Variants in COMMD10 observed in about 807,000 individuals in gnomAD.
The protein encoded by COMMD10 is COMM domain containing 10.
In COMMD10, 33 loss-of-function variants were observed where a neutral mutation model predicts 28.9. That is an observed-to-expected ratio of 1.14 (90% CI 0.87 to 1.53). The LOEUF (loss-of-function observed/expected upper bound fraction) is 1.53. Ranked by LOEUF, COMMD10 falls within the 40% of genes most tolerant of loss-of-function variation. The probability of loss-of-function intolerance (pLI) is 0.00; values close to 1 mark genes in which losing one functional copy is unlikely to be tolerated. For synonymous variants in COMMD10, 110 were observed against 81.7 expected, an observed-to-expected ratio of 1.35 and a Z score of -1.87; for missense variants, 310 against 233.4, an observed-to-expected ratio of 1.33 and a Z score of -2.14.
At chr5:116,177,401 C>T (rs1182903415) in intron 5 of COMMD10, among the ~76,000 whole-genome samples, 1 of 152,030 alleles carries the variant, frequency 6.6e-6, no homozygotes, top group Non-Finnish European at 1.5e-5. Context: ...TATCTCCATC[C>T]TAAGGGACTG....
chr5:116,262,522 G>T (rs1487189911), intron 5 of COMMD10, among the ~76,000 whole-genome samples: 1 of 151,580 alleles, frequency 6.6e-6, no homozygotes, highest in Non-Finnish European at 1.5e-5. Flanking sequence ...ATTAAAATAT[G>T]ATTTTCTTAG....
chr5:116,152,370 C>G (rs1342612359), intron 5 of COMMD10, among the ~76,000 whole-genome samples: 1 of 151,988 alleles, frequency 6.6e-6, no homozygotes, highest in Non-Finnish European at 1.5e-5. Flanking sequence ...TCACAGTGAC[C>G]TTTCAGAGAG....
At chr5:116,246,875 TGG>T (rs1749965062) in intron 5 of COMMD10, among the ~76,000 whole-genome samples, 1 of 152,068 alleles carries the variant, frequency 6.6e-6, no homozygotes, top group Admixed American at 6.6e-5. Context: ...ATAAAACCCC[TGG>T]AAGACAACCT....
intron 5 of COMMD10, among the ~76,000 whole-genome samples, chr5:116,267,096 G>A (rs1179076899): frequency 6.6e-6 from 1 of 151,844 alleles, no homozygotes; most frequent in Non-Finnish European, 1.5e-5. Context: ...ATTCTGGCCA[G>A]GGCAATCAGA....
chr5:116,215,885 A>C (rs1749088926), intron 5 of COMMD10, among the ~76,000 whole-genome samples: 1 of 151,602 alleles, frequency 6.6e-6, no homozygotes, highest in African/African-American at 2.4e-5. Flanking sequence ...TTGTGAAGAA[A>C]ATTTGCAGAT....
intron 4 of COMMD10, among the ~76,000 whole-genome samples, chr5:116,124,898 T>C (rs1398958225): frequency 1.3e-5 from 2 of 152,154 alleles, no homozygotes; most frequent in Non-Finnish European, 2.9e-5. Flanking sequence ...CCCTCCTTTA[T>C]TTTTGCTTTC....
At chr5:116,117,823 G>A (rs1751290782) in intron 4 of COMMD10, among the ~76,000 whole-genome samples, 1 of 152,108 alleles carries the variant, frequency 6.6e-6, no homozygotes, top group Admixed American at 6.5e-5. Context: ...GTTTTGTATA[G>A]AGATTATATA....
intron 4 of COMMD10, among the ~76,000 whole-genome samples, chr5:116,105,522 T>C (rs1750808182): frequency 6.6e-6 from 1 of 152,174 alleles, no homozygotes; most frequent in Non-Finnish European, 1.5e-5. Flanking sequence ...GGAATAGTTT[T>C]AGAAGGAATG....
At chr5:116,243,135 C>A (rs6884520) in intron 5 of COMMD10, among the ~76,000 whole-genome samples, 4 of 152,064 alleles carry the variant, frequency 2.6e-5, no homozygotes, top group African/African-American at 9.7e-5. Context: ...TGTCATATTT[C>A]AAAATTAAAT....
chr5:116,290,303 C>G (rs1220183602), intron 5 of COMMD10, among the ~76,000 whole-genome samples: 1 of 151,882 alleles, frequency 6.6e-6, no homozygotes, highest in African/African-American at 2.4e-5. Context: ...ATAAAAACTT[C>G]ATGATTTTAT....
intron 5 of COMMD10, among the ~76,000 whole-genome samples, chr5:116,184,049 A>C (rs933108601): frequency 6.6e-5 from 10 of 152,144 alleles, no homozygotes; most frequent in Non-Finnish European, 1.0e-4. Flanking sequence ...CAAATTCCAA[A>C]TACTAAATTA....
chr5:116,166,116 T>C lies in COMMD10; in HGVS notation c.510+31938T>C, dbSNP rs139351843. On this transcript the variant is annotated intron_variant, in intron 5 of 6. Coordinates refer to ENST00000274458, the MANE Select transcript of COMMD10 (RefSeq NM_016144.4). ...TGCATGTTTAAATATTTCTATAGTT[T>C]TAGTCCTTGGCACATGGACTTGAGT... is the stretch of plus-strand genomic sequence containing the variant. 1.5e-3 allele frequency among the ~76,000 whole-genome samples: 232 copies of C among 151,014 alleles called. 2 individuals are homozygous for C. Among genetic ancestry groups the C allele is most frequent in the African/African-American group, 5.6e-3 (229 of 40,946 alleles).
intron 5 of COMMD10, among the ~76,000 whole-genome samples, chr5:116,269,137 A>G (rs1750686966): frequency 6.6e-6 from 1 of 151,862 alleles, no homozygotes; most frequent in Non-Finnish European, 1.5e-5. Flanking sequence ...AACAGAAAAA[A>G]AATTGGTTTT....
chr5:116,214,767 T>C (rs943309101), intron 5 of COMMD10, among the ~76,000 whole-genome samples: 1 of 152,140 alleles, frequency 6.6e-6, no homozygotes, highest in African/African-American at 2.4e-5. Flanking sequence ...ATAGGAAATA[T>C]ACCCATTTAA....
intron 5 of COMMD10, among the ~76,000 whole-genome samples, chr5:116,165,095 T>C (rs1753046516): frequency 6.6e-6 from 1 of 152,218 alleles, no homozygotes; most frequent in South Asian, 2.1e-4. Context: ...GACATATCCT[T>C]ATGCTGTTGA....
chr5:116,232,785 T>G lies in COMMD10; in HGVS notation c.511-58732T>G, dbSNP rs141363726. On this transcript the variant is annotated intron_variant, in intron 5 of 6. Transcript: ENST00000274458. ...GTTGAATAATTCATTAGACATGAAA[T>G]TACAGAGTGCTTACATTTGTTGGGT... Among the ~76,000 whole-genome samples the G allele has an allele frequency of 5.5e-4, 83 of 152,278 alleles. No homozygotes were observed. The East Asian group carries it at 7.1e-3, about 13-fold the overall frequency.
rs182180095 is a variant in COMMD10, at chr5:116,256,666, G to A, written c.511-34851G>A. 6.6e-5 allele frequency among the ~76,000 whole-genome samples: 10 copies of A among 151,870 alleles called. 1 individual carries two copies. The highest frequency in any genetic ancestry group is 3.3e-4 in the Admixed American group (5 of 15,234). ...CATATTTTGTAATGTTTTCATACAC[G>A]TAATGAGATATGTTGGGATGGGACC... On this transcript the variant is annotated intron_variant, in intron 5 of 6. Transcript: ENST00000274458.
At chr5:116,114,055 T>C (rs1355046025) in intron 4 of COMMD10, among the ~76,000 whole-genome samples, 1 of 152,240 alleles carries the variant, frequency 6.6e-6, no homozygotes, top group African/African-American at 2.4e-5. Context: ...AATATTGTTA[T>C]TGGTATCTGT....
intron 5 of COMMD10, among the ~76,000 whole-genome samples, chr5:116,181,115 G>C (rs1393480746): frequency 2.6e-5 from 4 of 152,074 alleles, no homozygotes; most frequent in Non-Finnish European, 4.4e-5. Flanking sequence ...CTGTACTTCA[G>C]CCTGGGCGAC....
Sources: gnomAD v4.1 joint callset for allele counts (sites outside exome capture counted in the v4.1 genomes callset) on GRCh38, gnomAD v4.1.1 for gene constraint, MANE v1.5 for transcripts, NCBI Gene and HGNC (gene_info 2026-07-23, HGNC 2026-07-21) for gene names.